Variants in CHRM3 observed in about 807,000 individuals in gnomAD.
The protein encoded by CHRM3 is muscarinic acetylcholine receptor M3.
Under a neutral mutation model 41.8 loss-of-function variants are expected in CHRM3, and 11 were observed. The ratio of observed to expected loss-of-function variants is 0.26; its 90% CI spans 0.17 to 0.44. The LOEUF (loss-of-function observed/expected upper bound fraction) is 0.44, where lower values mean the gene tolerates loss of function less well. Ranked by LOEUF, CHRM3 falls within the 20% of genes least tolerant of loss-of-function variation. CHRM3 has a pLI of 1.00. For synonymous variants in CHRM3, 297 were observed against 301.4 expected (o/e 0.99, Z 0.15); for missense variants, 571 against 745.4 (o/e 0.77, Z 2.72).
At chr1:239,497,488 C>A (rs1423410469) in intron 2 of CHRM3, among the ~76,000 whole-genome samples, 1 of 152,118 alleles carries the variant, frequency 6.6e-6, no homozygotes, top group Admixed American at 6.6e-5. Context: ...TTCCCCAGTA[C>A]GTTACTTGGA....
intron 2 of CHRM3, among the ~76,000 whole-genome samples, chr1:239,501,927 G>A (rs183575000): frequency 1.6e-4 from 25 of 152,174 alleles, no homozygotes; most frequent in South Asian, 4.1e-4. Flanking sequence ...CAGCAAAGGC[G>A]GTGCTAAGAG....
intron 6 of CHRM3, among the ~76,000 whole-genome samples, chr1:239,832,547 T>C (rs548627873): frequency 6.6e-6 from 1 of 152,138 alleles, no homozygotes; most frequent in South Asian, 2.1e-4. Context: ...AGAGGGCTCT[T>C]GGATCTCGTG....
chr1:239,778,031 A>C (rs189080189), intron 5 of CHRM3, among the ~76,000 whole-genome samples: 72 of 152,228 alleles, frequency 4.7e-4, no homozygotes, highest in Non-Finnish European at 5.9e-5. Flanking sequence ...TGGGTGAAGG[A>C]TGCACTAAAA....
At chr1:239,609,068 A>G (rs1666694429) in intron 3 of CHRM3, among the ~76,000 whole-genome samples, 1 of 152,228 alleles carries the variant, frequency 6.6e-6, no homozygotes. Context: ...CATCAACAAA[A>G]GCAAGATGAT....
chr1:239,904,953 C>G (rs1422483214), intron 6 of CHRM3, among the ~76,000 whole-genome samples: 8 of 152,098 alleles, frequency 5.3e-5, no homozygotes. Flanking sequence ...TATGTGTATA[C>G]ATAGAGTCAG....
chr1:239,884,188 ATTAAG>A (rs1228888847), intron 6 of CHRM3, among the ~76,000 whole-genome samples: 6 of 152,236 alleles, frequency 3.9e-5, no homozygotes, highest in African/African-American at 1.4e-4. Context: ...TGCAGATGTA[ATTAAG>A]TTAAGGAGCT....
chr1:239,810,440 A>C (rs1276548175), intron 5 of CHRM3, among the ~76,000 whole-genome samples: 1 of 152,106 alleles, frequency 6.6e-6, no homozygotes, highest in African/African-American at 2.4e-5. Flanking sequence ...CAGCAAGGGG[A>C]GTGTTACTTC....
intron 5 of CHRM3, among the ~76,000 whole-genome samples, chr1:239,820,491 G>A (rs6429158): frequency 0.27 from 41,690 of 152,032 alleles, 6,026 homozygotes; most frequent in African/African-American, 0.36. Flanking sequence ...AGGACCAGAG[G>A]TTATTGTTTT....
At chr1:239,779,209 C>T (rs1291405369) in intron 5 of CHRM3, among the ~76,000 whole-genome samples, 1 of 152,130 alleles carries the variant, frequency 6.6e-6, no homozygotes, top group Non-Finnish European at 1.5e-5. Context: ...GAAGAAAGCA[C>T]AGAGAATTCC....
At chr1:239,462,448 A>G (rs1486910721) in intron 1 of CHRM3, among the ~76,000 whole-genome samples, 1 of 152,210 alleles carries the variant, frequency 6.6e-6, no homozygotes, top group Non-Finnish European at 1.5e-5. Context: ...CTTCTGCCAG[A>G]ACATAAATAC....
chr1:239,391,103 T>A (rs564826542), intron 1 of CHRM3, among the ~76,000 whole-genome samples: 42 of 152,178 alleles, frequency 2.8e-4, no homozygotes, highest in Non-Finnish European at 2.2e-4. Flanking sequence ...ATGCCACTGC[T>A]CTCCAGCCTG....
chr1:239,906,825 G>A (rs1402604604), intron 6 of CHRM3, among the ~76,000 whole-genome samples: 2 of 152,162 alleles, frequency 1.3e-5, no homozygotes, highest in African/African-American at 2.4e-5. Context: ...CCAGGAGATA[G>A]TCGTGTTACC....
intron 2 of CHRM3, among the ~76,000 whole-genome samples, chr1:239,539,349 G>A (rs1247356175): frequency 6.6e-6 from 1 of 152,182 alleles, no homozygotes; most frequent in Non-Finnish European, 1.5e-5. Flanking sequence ...ATGAAAGTCT[G>A]AAGCCCAGAT....
chr1:239,741,367 G>A (rs954880195), intron 5 of CHRM3, among the ~76,000 whole-genome samples: 3 of 152,232 alleles, frequency 2.0e-5, no homozygotes, highest in African/African-American at 4.8e-5. Flanking sequence ...TATTCCTGGC[G>A]TTCCTGAATA....
At chr1:239,776,722 T>C (rs1668114690) in intron 5 of CHRM3, among the ~76,000 whole-genome samples, 1 of 152,210 alleles carries the variant, frequency 6.6e-6, no homozygotes, top group Non-Finnish European at 1.5e-5. Flanking sequence ...CTGGGTAATT[T>C]ATAAAGGAAA....
At chr1:239,895,749 T>C (rs1407015703) in intron 6 of CHRM3, among the ~76,000 whole-genome samples, 3 of 152,060 alleles carry the variant, frequency 2.0e-5, no homozygotes. Context: ...TTCTCACTTA[T>C]AAGTGGGAGC....
chr1:239,619,422 G>A (rs533787077), intron 3 of CHRM3, among the ~76,000 whole-genome samples: 1 of 152,226 alleles, frequency 6.6e-6, no homozygotes, highest in South Asian at 2.1e-4. Flanking sequence ...CAAAGAAGCA[G>A]GTCCTACATA....
intron 1 of CHRM3, among the ~76,000 whole-genome samples, chr1:239,469,937 C>T (rs11804653): frequency 1.7e-3 from 263 of 152,192 alleles, no homozygotes; most frequent in African/African-American, 5.3e-3. Flanking sequence ...CTGCCTAGCC[C>T]CTTAATAAAC....
At chr1:239,404,132 C>CA (rs574899115) in intron 1 of CHRM3, among the ~76,000 whole-genome samples, 3,754 of 150,098 alleles carry the variant, frequency 0.025, 61 homozygotes, top group Non-Finnish European at 0.037. Flanking sequence ...ACCAAAAATA[C>CA]AAAAAAATTA....
Sources: allele counts gnomAD v4.1 joint callset (sites outside exome capture counted in the v4.1 genomes callset), GRCh38; gene constraint gnomAD v4.1.1; transcripts MANE v1.5; gene names NCBI Gene and HGNC (gene_info 2026-07-23, HGNC 2026-07-21).